GAS2: variants seen among roughly 807,000 people sequenced by gnomAD.
The protein encoded by GAS2 is growth arrest-specific protein 2.
Under a neutral mutation model 37.5 loss-of-function variants are expected in GAS2, and 20 were observed. That is an observed-to-expected ratio of 0.53 (90% CI 0.37 to 0.77). The LOEUF (loss-of-function observed/expected upper bound fraction) is 0.77, where lower values mean the gene tolerates loss of function less well. Ranked by LOEUF, GAS2 falls within the 30% of genes least tolerant of loss-of-function variation. The pLI is 0.00. For synonymous variants in GAS2, 144 were observed against 132.2 expected, an observed-to-expected ratio of 1.09 and a Z score of -0.61; for missense variants, 336 against 373.4, an observed-to-expected ratio of 0.90 and a Z score of 0.82.
chr11:22,641,491 T>TC (rs1223246246), intron 1 of GAS2, among the ~76,000 whole-genome samples: 2 of 149,640 alleles, frequency 1.3e-5, no homozygotes, highest in Non-Finnish European at 1.5e-5. Flanking sequence ...ATGCTATCCC[T>TC]CCCCCCCACA....
At chr11:22,793,210 A>G (rs1162311296) in intron 7 of GAS2, among the ~76,000 whole-genome samples, 1 of 152,104 alleles carries the variant, frequency 6.6e-6, no homozygotes, top group East Asian at 1.9e-4. Context: ...GGAGGCAGAG[A>G]TTGCAGTGAA....
At chr11:22,780,805 A>G (rs1855524738) in intron 7 of GAS2, among the ~76,000 whole-genome samples, 2 of 152,102 alleles carry the variant, frequency 1.3e-5, no homozygotes, top group Non-Finnish European at 2.9e-5. Flanking sequence ...AAATGGAGAA[A>G]AAGATGGCTT....
chr11:22,686,993 G>C (rs1349911512), intron 3 of GAS2, among the ~76,000 whole-genome samples: 1 of 151,960 alleles, frequency 6.6e-6, no homozygotes, highest in Non-Finnish European at 1.5e-5. Context: ...CCCAAACTTT[G>C]CTGCACATTG....
intron 5 of GAS2, among the ~76,000 whole-genome samples, chr11:22,745,994 C>T (rs896209905): frequency 6.6e-6 from 1 of 151,930 alleles, no homozygotes; most frequent in Non-Finnish European, 1.5e-5. Context: ...TAAAAAATTA[C>T]AAAAACTCCA....
chr11:22,665,000 A>G (rs1359325836), upstream of GAS2, among the ~76,000 whole-genome samples: 1 of 10,604 alleles, frequency 9.4e-5, no homozygotes, highest in Middle Eastern at 0.1. Context: ...TGCAAAATTT[A>G]AGACAAAAAA....
At chr11:22,634,255 C>T (rs1207646770) in intron 1 of GAS2, among the ~76,000 whole-genome samples, 1 of 152,122 alleles carries the variant, frequency 6.6e-6, no homozygotes, top group Non-Finnish European at 1.5e-5. Context: ...ACCATGAGAA[C>T]ATAATGGGGG....
intron 7 of GAS2, among the ~76,000 whole-genome samples, chr11:22,794,734 G>A: frequency 6.6e-6 from 1 of 152,036 alleles, no homozygotes; most frequent in East Asian, 1.9e-4. Context: ...ATGATGAAAA[G>A]GCCCTTACCA....
chr11:22,775,490 T>C (rs1198165595), intron 7 of GAS2, among the ~76,000 whole-genome samples: 2 of 152,218 alleles, frequency 1.3e-5, no homozygotes, highest in Non-Finnish European at 2.9e-5. Context: ...TACATCTGCC[T>C]GGCATGGAGG....
At chr11:22,726,875 C>A (rs558624465) in intron 4 of GAS2, among the ~76,000 whole-genome samples, 2 of 152,196 alleles carry the variant, frequency 1.3e-5, no homozygotes, top group South Asian at 4.1e-4. Flanking sequence ...TAAGCTCTAC[C>A]TTTATTGAAC....
At chr11:22,787,573 C>CG (rs200186112) in intron 7 of GAS2, among the ~76,000 whole-genome samples, 1 of 148,704 alleles carries the variant, frequency 6.7e-6, no homozygotes, top group African/African-American at 2.5e-5. Flanking sequence ...AGATTTATTC[C>CG]GAAAAAAAAA....
chr11:22,721,594 G>A (rs1390818193), intron 3 of GAS2, among the ~76,000 whole-genome samples: 1 of 151,918 alleles, frequency 6.6e-6, no homozygotes, highest in Non-Finnish European at 1.5e-5. Context: ...TATCTAATAT[G>A]ATAGCCACTA....
intron 3 of GAS2, among the ~76,000 whole-genome samples, chr11:22,711,970 T>C (rs987204055): frequency 1.3e-5 from 2 of 152,132 alleles, no homozygotes; most frequent in East Asian, 3.9e-4. Flanking sequence ...TGTGTGACCC[T>C]GTCCATCACC....
chr11:22,656,828 T>G (rs1035665525), intron 1 of GAS2, among the ~76,000 whole-genome samples: 2 of 152,160 alleles, frequency 1.3e-5, no homozygotes, highest in Non-Finnish European at 2.9e-5. Flanking sequence ...CTTATAGCAC[T>G]TACATGCTTT....
intron 7 of GAS2, among the ~76,000 whole-genome samples, chr11:22,807,103 CAG>C (rs1235634473): frequency 6.8e-6 from 1 of 147,082 alleles, no homozygotes; most frequent in African/African-American, 2.5e-5. Flanking sequence ...AGCTTAGAAA[CAG>C]AAAAGCAAAG....
At chr11:22,683,106 G>A (rs1433262007) in intron 2 of GAS2, among the ~76,000 whole-genome samples, 1 of 151,900 alleles carries the variant, frequency 6.6e-6, no homozygotes, top group Non-Finnish European at 1.5e-5. Flanking sequence ...TTAATTGGGG[G>A]CTAAAATATG....
intron 3 of GAS2, among the ~76,000 whole-genome samples, chr11:22,690,631 G>A (rs1364697062): frequency 6.6e-6 from 1 of 151,976 alleles, no homozygotes; most frequent in Non-Finnish European, 1.5e-5. Flanking sequence ...CTGGAGTTGA[G>A]GATGTTTAAA....
At chr11:22,773,978 G>A (rs561594225) in intron 7 of GAS2, among the ~76,000 whole-genome samples, 6 of 152,174 alleles carry the variant, frequency 3.9e-5, no homozygotes, top group African/African-American at 7.2e-5. Flanking sequence ...TCAGAGCTCC[G>A]TTTTAATTTT....
At chr11:22,726,474 A>G (rs755265034) in intron 4 of GAS2, 41 bp downstream of exon 4, 3 of 1,564,706 alleles carry the variant, frequency 1.9e-6, no homozygotes, top group Non-Finnish European at 2.6e-6. Context: ...AAGATACGCA[A>G]ATTATCTTTT....
chr11:22,711,656 A>G (rs964070852), intron 3 of GAS2, among the ~76,000 whole-genome samples: 1 of 152,172 alleles, frequency 6.6e-6, no homozygotes, highest in African/African-American at 2.4e-5. Context: ...AACTCAGTGC[A>G]GTTCTGGAAG....
Sources: gnomAD v4.1 joint callset for allele counts (sites outside exome capture counted in the v4.1 genomes callset) on GRCh38, gnomAD v4.1.1 for gene constraint, MANE v1.5 for transcripts, NCBI Gene and HGNC (gene_info 2026-07-23, HGNC 2026-07-21) for gene names.